DYSF: variants seen among roughly 807,000 people sequenced by gnomAD.
The protein encoded by DYSF is dystrophy-associated fer-1-like 1.
DYSF carries 212 observed loss-of-function variants against 274.9 expected under a neutral mutation model. The ratio of observed to expected loss-of-function variants is 0.77; its 90% CI spans 0.69 to 0.86. The LOEUF is 0.86. Ranked by LOEUF, DYSF falls within the 40% of genes least tolerant of loss-of-function variation. The pLI, the probability that DYSF is intolerant of heterozygous loss-of-function variation, is 0.00. For synonymous variants in DYSF, 1,091 were observed against 1,078.7 expected (o/e 1.01, Z -0.22); for missense variants, 2,666 against 2,783.2 (o/e 0.96, Z 0.95).
chr2:71,523,884 T>A (rs2087578906), intron 12 of DYSF, among the ~76,000 whole-genome samples: 1 of 152,086 alleles, frequency 6.6e-6, no homozygotes, highest in Non-Finnish European at 1.5e-5. Flanking sequence ...ATCACGCGTG[T>A]CTCCTCTTAC....
At position 71,477,103 on chromosome 2, in the gene DYSF, A is replaced by G. The variant is rs892559351; in HGVS notation, c.92-3780A>G. On this transcript the variant is annotated intron_variant, in intron 1 of 55. Coordinates refer to ENST00000410020, the MANE Select transcript of DYSF (RefSeq NM_001130987.2). ...AACTCTGGGATTTGTTCACATGGTG[A>G]ATAACAAACGACGTTCCATGAGAAT... Among the ~76,000 whole-genome samples, 34 of 152,288 alleles carry G rather than the reference A, an allele frequency of 2.2e-4. 1 individual carries two copies. The South Asian group carries it at 6.4e-3, about 29-fold the overall frequency.
intron 35 of DYSF, 70 bp from the exon 36 acceptor site, chr2:71,602,706 G>T: frequency 1.3e-6 from 2 of 1,559,078 alleles, no homozygotes; most frequent in South Asian, 1.2e-5. Flanking sequence ...GATACTAATA[G>T]AGAACTTTTT....
chr2:71,590,673 C>T (rs955019534), intron 32 of DYSF, among the ~76,000 whole-genome samples: 5 of 152,196 alleles, frequency 3.3e-5, no homozygotes, highest in African/African-American at 1.2e-4. Flanking sequence ...CCAACTTCTC[C>T]ACCTTCACTC....
intron 1 of DYSF, among the ~76,000 whole-genome samples, chr2:71,471,226 T>C (rs1201748604): frequency 6.6e-6 from 1 of 152,238 alleles, no homozygotes; most frequent in Non-Finnish European, 1.5e-5. Context: ...ATTTGACACA[T>C]TTCCTCCAAG....
chr2:71,686,472 C>G lies in DYSF; in HGVS notation c.6340C>G (p.Leu2114Val), dbSNP rs1188699540. ...YAFPNYAAMK[L>V]VKPFS is the part of the protein sequence containing the mutation. The stretch of plus-strand genomic sequence containing the variant: ...CCTCCAGAACTATGCTGCCATGAAG[C>G]TGGTGAAGCCCTTCAGCTGAGGACT... The change falls in exon 56 of 56, where the codon CTG (leucine) becomes GTG (valine). Residue 2114 changes from leucine (L) to valine (V), a missense_variant. Leu to Val is a conservative substitution (Grantham distance 32, BLOSUM62 1). Coordinates refer to ENST00000410020, the MANE Select transcript of DYSF (RefSeq NM_001130987.2). The G allele has an allele frequency of 2.5e-6, 4 of 1,614,166 alleles. No individual in the cohort carries two copies. The highest frequency in any genetic ancestry group is 4.5e-5 in the East Asian group (2 of 44,858).
At chr2:71,558,686 G>A (rs1559154585) in intron 22 of DYSF, among the ~76,000 whole-genome samples, 1 of 152,186 alleles carries the variant, frequency 6.6e-6, no homozygotes, top group Non-Finnish European at 1.5e-5. Context: ...CCTACAAACA[G>A]TTCTGGCGCC....
At position 71,526,295 on chromosome 2, in the gene DYSF, C is replaced by A. The variant is rs758180890; in HGVS notation, c.1225C>A (p.Arg409=). 2 of 1,614,196 alleles carry A rather than the reference C, an allele frequency of 1.2e-6. No homozygotes were observed. Among genetic ancestry groups the A allele is most frequent in the Non-Finnish European group, 1.7e-6 (2 of 1,180,038 alleles). ...NLLRPTGVAL[R]GAHFCLKVFR... ...GCTCCGGCCCACAGGCGTAGCCCTG[C>A]GAGGAGCCCACTTCTGCCTGAAGGT... Residue 409 remains arginine, a synonymous_variant, in exon 13 of 56, where the codon CGA becomes AGA. Coordinates refer to ENST00000410020, the MANE Select transcript of DYSF (RefSeq NM_001130987.2).
chr2:71,505,771 A>G (rs2085414318), intron 4 of DYSF, among the ~76,000 whole-genome samples: 2 of 152,198 alleles, frequency 1.3e-5, no homozygotes, highest in Admixed American at 1.3e-4. Flanking sequence ...AGAGGAGCTC[A>G]CTCAGGAAGG....
intron 1 of DYSF, among the ~76,000 whole-genome samples, chr2:71,476,488 C>T (rs1282188705): frequency 6.6e-6 from 1 of 151,242 alleles, no homozygotes; most frequent in African/African-American, 2.4e-5. Flanking sequence ...TTGCAGTGAG[C>T]CGAGATCACA....
intron 41 of DYSF, among the ~76,000 whole-genome samples, chr2:71,623,240 A>G (rs963691180): frequency 2.0e-5 from 3 of 151,740 alleles, no homozygotes; most frequent in Non-Finnish European, 4.4e-5. Flanking sequence ...TTAGTTACAT[A>G]TGTATACATG....
intron 1 of DYSF, among the ~76,000 whole-genome samples, chr2:71,471,789 A>G (rs545325116): frequency 5.5e-4 from 84 of 152,216 alleles, no homozygotes; most frequent in African/African-American, 1.9e-3. Context: ...ACAGGGTGAA[A>G]CCCTGTCTCT....
intron 17 of DYSF, among the ~76,000 whole-genome samples, chr2:71,548,551 C>A (rs187938711): frequency 7.0e-6 from 1 of 142,836 alleles, no homozygotes; most frequent in Admixed American, 7.3e-5. Flanking sequence ...GAGGGGTGTC[C>A]GTTTCCTTGG....
chr2:71,536,023 G>C (rs551766262), intron 16 of DYSF, among the ~76,000 whole-genome samples: 24 of 152,304 alleles, frequency 1.6e-4, no homozygotes, highest in African/African-American at 5.5e-4. Context: ...GCTGAGGCCA[G>C]GCTTGAACCC....
chr2:71,562,074 T>A, intron 23 of DYSF, 130 bp downstream of exon 23: 1 of 1,278,434 alleles, frequency 7.8e-7, no homozygotes, highest in East Asian at 2.5e-5. Context: ...CTTGGGCAGG[T>A]GACTTAACCT....
At position 71,458,084 on chromosome 2, in the gene DYSF, G is replaced by A. The variant is rs557836373; in HGVS notation, c.88+3998G>A. On this transcript the variant is annotated intron_variant, in intron 1 of 54. Transcript: ENST00000258104. ...AGGTCTGCCACTTTTCAAGCTATGT[G>A]GCTTTGGGCAAGTTACTTAACCACT... is the stretch of plus-strand genomic sequence containing the variant. 2.3e-4 allele frequency among the ~76,000 whole-genome samples: 35 copies of A among 152,266 alleles called. No homozygotes were observed. In the South Asian group the frequency reaches 6.9e-3, roughly 30 times the overall value.
Position 71,517,022 on chromosome 2 carries a change from C to T in DYSF, c.985C>T (p.Leu329Phe). ...CTCTCGTTCTCTCAGGACAGATGCTCTCCTCGGGGAGTTCCGGGTAATTGC... is the reference window on the plus strand; with the variant it reads ...CTCTCGTTCTCTCAGGACAGATGCTTTCCTCGGGGAGTTCCGGGTAATTGC... ...VDSRSLRTDA[L>F]LGEFRMDVGT... The change falls in exon 10 of 56, where the codon CTC becomes TTC. Residue 329 changes from leucine to phenylalanine, a missense_variant. This residue lies in a region of DYSF where 794 missense variants were observed against 777.1 expected (regional missense o/e 1.02). Coordinates refer to ENST00000410020, the MANE Select transcript of DYSF (RefSeq NM_001130987.2). 3.1e-6 allele frequency: 5 copies of T among 1,614,184 alleles called. No homozygotes were observed. The highest frequency in any genetic ancestry group is 2.5e-6 in the Non-Finnish European group (3 of 1,180,030).
intron 41 of DYSF, among the ~76,000 whole-genome samples, chr2:71,632,209 G>A (rs905732790): frequency 7.9e-5 from 12 of 152,172 alleles, no homozygotes; most frequent in South Asian, 4.1e-4. Context: ...TTGGTACAGC[G>A]CTAGCTGCTG....
At chr2:71,618,225 AGGTGG>A (rs2152888343) in intron 40 of DYSF, among the ~76,000 whole-genome samples, 2 of 80,866 alleles carry the variant, frequency 2.5e-5, no homozygotes, top group Admixed American at 1.5e-4. Context: ...TGTGTGGTAG[AGGTGG>A]GGTGTGTGTG....
chr2:71,618,451 T>TGTGTGTGTGGTAGAGGTG (rs2093987805), intron 40 of DYSF, among the ~76,000 whole-genome samples: 1 of 38,654 alleles, frequency 2.6e-5, no homozygotes, highest in African/African-American at 1.2e-4. Flanking sequence ...GTGGTAGAGG[T>TGTGTGTGTGGTAGAGGTG]GGGGTTGTGT....
Sources: allele counts gnomAD v4.1 joint callset (sites outside exome capture counted in the v4.1 genomes callset), GRCh38; gene constraint gnomAD v4.1.1; regional missense constraint gnomAD v4.1.1; transcripts MANE v1.5; gene names NCBI Gene and HGNC (gene_info 2026-07-23, HGNC 2026-07-21).